The following NUP133 variants were observed in gnomAD, a reference collection of about 807,000 sequenced individuals.
NUP133 encodes nuclear pore complex protein Nup133.
NUP133 carries 66 observed loss-of-function variants against 146.2 expected under a neutral mutation model. That is an observed-to-expected ratio of 0.45 (90% confidence interval 0.37 to 0.55). The LOEUF (loss-of-function observed/expected upper bound fraction) is 0.55, where lower values mean the gene tolerates loss of function less well. Ranked by LOEUF, NUP133 falls within the 20% of genes least tolerant of loss-of-function variation. The pLI, the probability that NUP133 is intolerant of heterozygous loss-of-function variation, is 0.00. For synonymous variants in NUP133, 521 were observed against 498.8 expected (o/e 1.04, Z -0.59); for missense variants, 1,277 against 1,374.8 (o/e 0.93, Z 1.12).
At chr1:229,460,540 C>G in intron 20 of NUP133, 71 bp downstream of exon 20, 1 of 1,468,698 alleles carries the variant, frequency 6.8e-7, no homozygotes, top group African/African-American at 1.4e-5. Context: ...ATTTTAATTA[C>G]TAAAAACAAA....
chr1:229,474,179 G>A (rs1352529150), intron 14 of NUP133, among the ~76,000 whole-genome samples: 5 of 152,172 alleles, frequency 3.3e-5, no homozygotes, highest in Admixed American at 6.5e-5. Flanking sequence ...GCCAGAAAGC[G>A]GGAAGAGGCT....
chr1:229,507,875 G>C, intron 1 of NUP133, 193 bp downstream of exon 1: 1 of 978,538 alleles, frequency 1.0e-6, no homozygotes, highest in African/African-American at 1.7e-5. Context: ...TGCAAAGTGG[G>C]GAATCAACTG....
At chr1:229,479,667 G>A (rs983878523) in intron 12 of NUP133, among the ~76,000 whole-genome samples, 7 of 152,100 alleles carry the variant, frequency 4.6e-5, no homozygotes, top group South Asian at 2.1e-4. Flanking sequence ...AGATAAGCTC[G>A]GTTTTGGATA....
At chr1:229,444,258 G>A (rs1392284287) in intron 25 of NUP133, among the ~76,000 whole-genome samples, 3 of 151,976 alleles carry the variant, frequency 2.0e-5, no homozygotes, top group Non-Finnish European at 4.4e-5. Context: ...TTGAACCCAG[G>A]AGGTGGAGGT....
Position 229,508,078 on chromosome 1 carries a change from G to A in NUP133, c.172C>T (p.Leu58=). 1 of 1,496,634 alleles carries A rather than the reference G, an allele frequency of 6.7e-7. No individual in the cohort carries two copies. The highest frequency in any genetic ancestry group is 1.3e-5 in the South Asian group (1 of 77,442). 92.7% of individuals were successfully genotyped at this position (1,496,634 alleles called of 1,614,324 possible). The part of the protein sequence containing the change: ...LFSPVGRRSS[L]SSRGTPTRMF... Reference sequence around the variant, plus strand: ...AGGGAGATCACTTACCGCGAGCTTAGCGAGCTACGCCGGCCGACCGGCGAG... The same window carrying A: ...AGGGAGATCACTTACCGCGAGCTTAACGAGCTACGCCGGCCGACCGGCGAG... Residue 58 remains leucine, a synonymous_variant, in exon 1 of 26, where the codon CTA becomes TTA. Transcript: ENST00000261396.
At chr1:229,463,394 G>A (rs1003447753) in intron 19 of NUP133, 149 bp downstream of exon 19, 12 of 890,604 alleles carry the variant, frequency 1.3e-5, no homozygotes, top group South Asian at 2.1e-5. Flanking sequence ...AAAGAAACGC[G>A]ACATACAAAT....
intron 14 of NUP133, among the ~76,000 whole-genome samples, chr1:229,475,340 G>A (rs1361632308): frequency 6.6e-6 from 1 of 152,066 alleles, no homozygotes; most frequent in East Asian, 1.9e-4. Flanking sequence ...GATTCTAATG[G>A]CACCTCAAAA....
intron 25 of NUP133, 45 bp from the exon 26 acceptor site, chr1:229,442,085 T>A (rs771574848): frequency 6.5e-7 from 1 of 1,526,992 alleles, no homozygotes. Context: ...TATTATAAAA[T>A]GCTCAAATGA....
At chr1:229,485,115 G>A (rs943311341) in intron 11 of NUP133, among the ~76,000 whole-genome samples, 1 of 152,094 alleles carries the variant, frequency 6.6e-6, no homozygotes, top group African/African-American at 2.4e-5. Context: ...AATAAAATTG[G>A]TAATTTTTAC....
intron 21 of NUP133, 140 bp downstream of exon 21, chr1:229,458,021 T>G: frequency 1.3e-6 from 1 of 772,556 alleles, no homozygotes; most frequent in South Asian, 2.6e-5. Flanking sequence ...TAACTACACA[T>G]GGACATTAAC....
chr1:229,490,525 A>G (rs951979219), intron 8 of NUP133, among the ~76,000 whole-genome samples: 1 of 152,214 alleles, frequency 6.6e-6, no homozygotes. Context: ...GGCAAAATAT[A>G]GGGACAGAAA....
In NUP133 at chr1:229,484,044, C is replaced by A. The variant is rs1450327404; in HGVS notation, c.1592+10G>T. On this transcript the variant is annotated intron_variant, in intron 12 of 25. Coordinates refer to ENST00000261396, the MANE Select transcript of NUP133 (RefSeq NM_018230.3). Reference sequence around the variant, plus strand: ...ATAAAATAATCCATAATTTAAAAAACATGTTATACCTGCAGTATTGCAGAA... The same window carrying A: ...ATAAAATAATCCATAATTTAAAAAAAATGTTATACCTGCAGTATTGCAGAA... 6.3e-7 allele frequency: 1 copy of A among 1,575,230 alleles called. No individual in the cohort carries two copies. The highest frequency in any genetic ancestry group is 1.7e-4 in the Middle Eastern group (1 of 5,962).
At chr1:229,454,228 G>A (rs1660514805) in intron 21 of NUP133, among the ~76,000 whole-genome samples, 1 of 152,176 alleles carries the variant, frequency 6.6e-6, no homozygotes, top group African/African-American at 2.4e-5. Context: ...AAACTCTCCA[G>A]GTTGCAGCCC....
chr1:229,463,441 G>A (rs1010500677), intron 19 of NUP133, 102 bp downstream of exon 19: 17 of 1,260,498 alleles, frequency 1.3e-5, no homozygotes, highest in South Asian at 4.6e-5. Flanking sequence ...CAAAAAGATC[G>A]TATCATATTC....
At position 229,495,924 on chromosome 1, in the gene NUP133, C is replaced by A; in HGVS notation, c.943G>T (p.Ala315Ser). The A allele has an allele frequency of 1.2e-6, 2 of 1,602,916 alleles. No homozygotes were observed. Among genetic ancestry groups the A allele is most frequent in the Non-Finnish European group, 1.7e-6 (2 of 1,176,768 alleles). Residue 315 changes from alanine to serine, a missense_variant, in exon 7 of 26, where the codon GCC becomes TCC. This residue lies in a region of NUP133 where 952 missense variants were observed against 1,047.0 expected (regional missense o/e 0.91). Coordinates refer to ENST00000261396, the MANE Select transcript of NUP133 (RefSeq NM_018230.3). The part of the protein sequence containing the change: ...KHAYSWDINR[A>S]LKENITDAIW... ...GCATCGGTAATGTTTTCCTTCAGGG[C>A]TCTATTTATATCCCAACTGTATGCA...
chr1:229,507,204 G>C (rs573854865), intron 1 of NUP133, among the ~76,000 whole-genome samples: 6 of 152,242 alleles, frequency 3.9e-5, no homozygotes, highest in African/African-American at 1.4e-4. Context: ...ACTTTGAAAA[G>C]AACTTTTCAA....
At chr1:229,497,816 T>C (rs1661691688) in intron 6 of NUP133, among the ~76,000 whole-genome samples, 1 of 152,206 alleles carries the variant, frequency 6.6e-6, no homozygotes, top group Non-Finnish European at 1.5e-5. Context: ...GAGGCATGAG[T>C]AGAAACACGC....
At chr1:229,504,643 C>T (rs1661888300) in intron 2 of NUP133, among the ~76,000 whole-genome samples, 1 of 152,178 alleles carries the variant, frequency 6.6e-6, no homozygotes, top group South Asian at 2.1e-4. Context: ...TATTATTAAA[C>T]CCAATAACAT....
Position 229,460,773 on chromosome 1 carries a change from C to T in NUP133, c.2686-4G>A. ...GGAAGAGAAAGTCTGAAAAATTCTA[C>T]AAATAACAGAACATAGAATTCATTC... is the stretch of plus-strand genomic sequence containing the variant. On this transcript the variant is annotated splice_region_variant and splice_polypyrimidine_tract_variant and intron_variant, in intron 19 of 25. Coordinates refer to ENST00000261396, the MANE Select transcript of NUP133 (RefSeq NM_018230.3). The T allele has an allele frequency of 6.2e-7, 1 of 1,606,664 alleles. No individual in the cohort carries two copies. The highest frequency in any genetic ancestry group is 8.5e-7 in the Non-Finnish European group (1 of 1,175,962).
Sources: gnomAD v4.1 joint callset for allele counts (sites outside exome capture counted in the v4.1 genomes callset) on GRCh38, gnomAD v4.1.1 for gene constraint, gnomAD v4.1.1 regional missense constraint, MANE v1.5 for transcripts, NCBI Gene and HGNC (gene_info 2026-07-23, HGNC 2026-07-21) for gene names.